OMA1: variants seen among roughly 807,000 people sequenced by gnomAD.
OMA1 encodes the protein metalloendopeptidase OMA1, mitochondrial.
Under a neutral mutation model 30.9 loss-of-function variants are expected in OMA1, and 38 were observed. That is an observed-to-expected ratio of 1.23 (90% CI 0.95 to 1.61). The LOEUF (loss-of-function observed/expected upper bound fraction) is 1.61. OMA1 is among the 40% of genes most tolerant of loss of function. The pLI is 0.00. For missense variants in OMA1, 461 were observed against 349.2 expected (o/e 1.32, Z -2.55); for synonymous variants, 173 against 121.9 (o/e 1.42, Z -2.76).
intron 7 of OMA1, among the ~76,000 whole-genome samples, chr1:58,518,140 C>T (rs1247320314): frequency 1.4e-5 from 2 of 145,186 alleles, no homozygotes; most frequent in East Asian, 2.1e-4. Context: ...GAGCTGAGAT[C>T]GCGCCATTGC....
At chr1:58,496,169 C>CTTTTTTTTTTTTTTTTT (rs375006213) in intron 8 of OMA1, among the ~76,000 whole-genome samples, 2 of 144,970 alleles carry the variant, frequency 1.4e-5, no homozygotes, top group East Asian at 4.3e-4. Context: ...TTTTTTTAGA[C>CTTTTTTTTTTTTTTTTT]TTTTTTTTTT....
At chr1:58,526,845 A>T (rs1237334054) in intron 7 of OMA1, among the ~76,000 whole-genome samples, 1 of 152,142 alleles carries the variant, frequency 6.6e-6, no homozygotes, top group Non-Finnish European at 1.5e-5. Flanking sequence ...AGATAGCATT[A>T]GCTTTCCAGA....
At chr1:58,481,929 A>C (rs1178041284) in intron 8 of OMA1, among the ~76,000 whole-genome samples, 1 of 152,214 alleles carries the variant, frequency 6.6e-6, no homozygotes, top group Non-Finnish European at 1.5e-5. Context: ...TCTTTCCTTC[A>C]TAAATTACCT....
chr1:58,515,181 C>G (rs560643226), intron 7 of OMA1, among the ~76,000 whole-genome samples: 1 of 152,188 alleles, frequency 6.6e-6, no homozygotes, highest in East Asian at 1.9e-4. Flanking sequence ...CAACATTTTT[C>G]CAGGAAATAA....
chr1:58,485,800 C>T (rs898149961), intron 8 of OMA1, among the ~76,000 whole-genome samples: 1 of 152,088 alleles, frequency 6.6e-6, no homozygotes, highest in Non-Finnish European at 1.5e-5. Flanking sequence ...ACGCACTGCA[C>T]ATAACAGGCA....
intron 8 of OMA1, among the ~76,000 whole-genome samples, chr1:58,491,288 C>T (rs186051238): frequency 4.7e-4 from 71 of 152,218 alleles, no homozygotes; most frequent in African/African-American, 1.6e-3. Flanking sequence ...AAGGAACAAC[C>T]GGTACCAGCC....
intron 7 of OMA1, among the ~76,000 whole-genome samples, chr1:58,518,337 A>AGAGAAGAGAG (rs1646203760): frequency 1.5e-5 from 2 of 131,914 alleles, no homozygotes; most frequent in Non-Finnish European, 3.2e-5. Flanking sequence ...AGAGAAGAGA[A>AGAGAAGAGAG]GAGAAGAGAA....
intron 5 of OMA1, among the ~76,000 whole-genome samples, chr1:58,532,733 C>T (rs914984935): frequency 1.3e-5 from 2 of 151,822 alleles, no homozygotes; most frequent in African/African-American, 2.4e-5. Context: ...TCTATGTTGC[C>T]GAGGCCAGTC....
intron 1 of OMA1, among the ~76,000 whole-genome samples, chr1:58,545,302 G>A (rs1311562762): frequency 1.3e-5 from 2 of 152,166 alleles, no homozygotes; most frequent in Non-Finnish European, 2.9e-5. Context: ...TATTGACACA[G>A]AAGGTATAAG....
At chr1:58,513,350 A>G (rs550956034) in intron 7 of OMA1, among the ~76,000 whole-genome samples, 117 of 152,300 alleles carry the variant, frequency 7.7e-4, no homozygotes, top group African/African-American at 2.6e-3. Context: ...TCTTTCCTTT[A>G]TAAATTACCC....
At chr1:58,525,745 A>G (rs1646338730) in intron 7 of OMA1, among the ~76,000 whole-genome samples, 1 of 152,142 alleles carries the variant, frequency 6.6e-6, no homozygotes, top group African/African-American at 2.4e-5. Context: ...TAGAAATGCA[A>G]AGATCCAAGA....
chr1:58,486,540 T>C (rs574147477), intron 8 of OMA1, among the ~76,000 whole-genome samples: 1 of 152,320 alleles, frequency 6.6e-6, no homozygotes, highest in East Asian at 1.9e-4. Flanking sequence ...CATCATGCAA[T>C]CATTTAACTA....
intron 7 of OMA1, among the ~76,000 whole-genome samples, chr1:58,522,223 T>C (rs1157675636): frequency 6.6e-6 from 1 of 152,160 alleles, no homozygotes; most frequent in Non-Finnish European, 1.5e-5. Flanking sequence ...CTGGGCTTAA[T>C]ACCTAGGTGA....
intron 8 of OMA1, among the ~76,000 whole-genome samples, chr1:58,492,819 C>A (rs1367005787): frequency 6.6e-6 from 1 of 152,156 alleles, no homozygotes; most frequent in Non-Finnish European, 1.5e-5. Flanking sequence ...GGATTCACAG[C>A]CGAATTCTAC....
At chr1:58,499,757 T>C (rs1645872220) in intron 8 of OMA1, among the ~76,000 whole-genome samples, 1 of 151,212 alleles carries the variant, frequency 6.6e-6, no homozygotes, top group Admixed American at 6.6e-5. Flanking sequence ...CTGGACTCCA[T>C]AAATATATAA....
intron 8 of OMA1, among the ~76,000 whole-genome samples, chr1:58,504,806 C>T (rs535644981): frequency 1.3e-5 from 2 of 152,250 alleles, no homozygotes; most frequent in Non-Finnish European, 2.9e-5. Flanking sequence ...TATCCTTGTA[C>T]TAATAATCAT....
intron 8 of OMA1, among the ~76,000 whole-genome samples, chr1:58,489,170 G>T (rs1238621161): frequency 6.6e-6 from 1 of 152,198 alleles, no homozygotes; most frequent in Non-Finnish European, 1.5e-5. Context: ...AAGTGCAACG[G>T]GTCAGGGAAT....
At chr1:58,490,517 T>C (rs1321085759) in intron 8 of OMA1, among the ~76,000 whole-genome samples, 4 of 152,196 alleles carry the variant, frequency 2.6e-5, no homozygotes, top group Non-Finnish European at 5.9e-5. Context: ...GAAAACACTC[T>C]GCAGGATATT....
At chr1:58,490,166 C>A (rs1645653946) in intron 8 of OMA1, among the ~76,000 whole-genome samples, 1 of 152,110 alleles carries the variant, frequency 6.6e-6, no homozygotes, top group South Asian at 2.1e-4. Context: ...GAAGTTCGAA[C>A]CCATGGCAAA....
Sources: gnomAD v4.1 joint callset for allele counts (sites outside exome capture counted in the v4.1 genomes callset) on GRCh38, gnomAD v4.1.1 for gene constraint, MANE v1.5 for transcripts, NCBI Gene and HGNC (gene_info 2026-07-23, HGNC 2026-07-21) for gene names.